DNAH11: variants seen among roughly 807,000 people sequenced by gnomAD.
The protein encoded by DNAH11 is axonemal beta dynein heavy chain 11.
DNAH11 carries 442 observed loss-of-function variants against 526.0 expected under a neutral mutation model. The ratio of observed to expected loss-of-function variants is 0.84; its 90% confidence interval spans 0.78 to 0.91. The LOEUF (loss-of-function observed/expected upper bound fraction) is 0.91, where lower values mean the gene tolerates loss of function less well. DNAH11 is among the 40% of genes least tolerant of loss of function. The pLI, the probability that DNAH11 is intolerant of heterozygous loss-of-function variation, is 0.00. For synonymous variants in DNAH11, 2,461 were observed against 1,935.9 expected (o/e 1.27, Z -7.12); for missense variants, 6,989 against 5,448.7 (o/e 1.28, Z -8.90).
intron 61 of DNAH11, 38 bp downstream of exon 61, chr7:21,789,380 G>C (rs1788335849): frequency 3.5e-6 from 5 of 1,432,096 alleles, no homozygotes; most frequent in Admixed American, 2.1e-5. Flanking sequence ...GTTCCCAAGA[G>C]GTGGTCGCTG....
At position 21,635,854 on chromosome 7, in the gene DNAH11, C is replaced by G. The variant is rs1183847088; in HGVS notation, c.4501-17C>G. 5 of 1,585,458 alleles carry G rather than the reference C, an allele frequency of 3.2e-6. No individual in the cohort carries two copies. Among genetic ancestry groups the G allele is most frequent in the Non-Finnish European group, 4.3e-6 (5 of 1,164,204 alleles). On this transcript the variant is annotated splice_polypyrimidine_tract_variant and intron_variant, in intron 25 of 81. Transcript: ENST00000409508. Reference sequence around the variant, plus strand: ...CTAAATTTAGCTACTATTTAAAATTCTTTGCCTTTATTTTAGGTTCAGTTG... The same window carrying G: ...CTAAATTTAGCTACTATTTAAAATTGTTTGCCTTTATTTTAGGTTCAGTTG...
At chr7:21,569,697 C>A (rs1246891383) in intron 6 of DNAH11, among the ~76,000 whole-genome samples, 1 of 152,164 alleles carries the variant, frequency 6.6e-6, no homozygotes, top group Non-Finnish European at 1.5e-5. Flanking sequence ...AATTCATGTT[C>A]TGATAGATTT....
intron 35 of DNAH11, among the ~76,000 whole-genome samples, chr7:21,694,378 T>A (rs940360241): frequency 6.6e-6 from 1 of 152,060 alleles, no homozygotes; most frequent in African/African-American, 2.4e-5. Context: ...GGCCCTGGTG[T>A]GTGATGTTCC....
chr7:21,695,622 C>T (rs193274030), intron 35 of DNAH11, among the ~76,000 whole-genome samples: 250 of 152,278 alleles, frequency 1.6e-3, no homozygotes, highest in African/African-American at 5.3e-3. Flanking sequence ...AACATAAAAC[C>T]TAAAACCATA....
intron 54 of DNAH11, among the ~76,000 whole-genome samples, chr7:21,762,979 G>A (rs1047349232): frequency 6.6e-6 from 1 of 152,140 alleles, no homozygotes; most frequent in African/African-American, 2.4e-5. Flanking sequence ...ATTTGATAAG[G>A]AATTAATTAA....
chr7:21,789,744 A>C (rs1272194658), intron 61 of DNAH11, among the ~76,000 whole-genome samples: 2 of 126,966 alleles, frequency 1.6e-5, no homozygotes, highest in Non-Finnish European at 3.5e-5. Context: ...AGGTATTATA[A>C]TAATAAGCAT....
At chr7:21,564,480 T>G (rs1261578931) in intron 6 of DNAH11, 83 bp downstream of exon 6, 2 of 943,576 alleles carry the variant, frequency 2.1e-6, no homozygotes, top group East Asian at 2.6e-5. Context: ...TAATCTAGTA[T>G]ACAGTAAGAA....
At chr7:21,669,038 A>G (rs553401837) in intron 30 of DNAH11, among the ~76,000 whole-genome samples, 7 of 152,284 alleles carry the variant, frequency 4.6e-5, no homozygotes, top group East Asian at 1.9e-4. Context: ...ATAGTATATC[A>G]TTGTGATTTT....
chr7:21,669,314 G>C (rs1049899582), intron 30 of DNAH11, among the ~76,000 whole-genome samples: 20 of 152,070 alleles, frequency 1.3e-4, no homozygotes, highest in African/African-American at 4.1e-4. Flanking sequence ...AAGGACTAGA[G>C]GCAAGCACCA....
chr7:21,728,404 A>AC (rs1428304794), intron 45 of DNAH11, among the ~76,000 whole-genome samples: 1 of 150,858 alleles, frequency 6.6e-6, no homozygotes, highest in Non-Finnish European at 1.5e-5. Context: ...ACTACAGGCA[A>AC]CCCACCACCA....
chr7:21,798,612 T>C (rs1006246342), intron 61 of DNAH11, among the ~76,000 whole-genome samples: 1 of 152,236 alleles, frequency 6.6e-6, no homozygotes, highest in Admixed American at 6.5e-5. Flanking sequence ...AGTGAAACTT[T>C]AGCAAATCAC....
At chr7:21,760,375 C>G (rs1000084428) in intron 54 of DNAH11, among the ~76,000 whole-genome samples, 1 of 152,106 alleles carries the variant, frequency 6.6e-6, no homozygotes, top group Non-Finnish European at 1.5e-5. Context: ...TTTGGGGACC[C>G]GACTTGCCCA....
chr7:21,892,510 T>C lies in DNAH11; in HGVS notation c.12593T>C (p.Met4198Thr), dbSNP rs772179807. 1 of 1,613,938 alleles carries C rather than the reference T, an allele frequency of 6.2e-7. No homozygotes were observed. The highest frequency in any genetic ancestry group is 1.1e-5 in the South Asian group (1 of 91,082). Residue 4198 changes from methionine (M) to threonine (T), a missense_variant, in exon 77 of 82, where the codon ATG becomes ACG. Transcript: ENST00000409508. ...GGCTACCACCAGTACATAGAGGAGA[T>C]GCTTCCTCCAGAAAGCCCGGCACTG... ...YAGYHQYIEE[M>T]LPPESPALYG... is the part of the protein sequence containing the mutation.
intron 62 of DNAH11, among the ~76,000 whole-genome samples, chr7:21,805,517 A>G (rs540502137): frequency 2.6e-5 from 4 of 152,152 alleles, no homozygotes; most frequent in South Asian, 2.1e-4. Flanking sequence ...GAGTTGAGAA[A>G]TTTCACCAGT....
chr7:21,574,867 CTTTTTTT>C (rs869117425), intron 8 of DNAH11, among the ~76,000 whole-genome samples: 24 of 42,862 alleles, frequency 5.6e-4, no homozygotes, highest in East Asian at 3.1e-3. Flanking sequence ...CTGCACTGGG[CTTTTTTT>C]TTTTTTTTTT....
chr7:21,844,924 A>G (rs1782356766), intron 66 of DNAH11, among the ~76,000 whole-genome samples: 1 of 152,216 alleles, frequency 6.6e-6, no homozygotes, highest in African/African-American at 2.4e-5. Context: ...CATTCAGTGG[A>G]ACTGCAACAT....
chr7:21,852,423 A>G lies in DNAH11; in HGVS notation c.10897-44A>G, dbSNP rs538531881. On this transcript the variant is annotated intron_variant, in intron 66 of 81. Coordinates refer to ENST00000409508, the MANE Select transcript of DNAH11 (RefSeq NM_001277115.2). ...CTTCCTCTAAAAAAAAAAAAAAAAA[A>G]GTACTTAACCACCATTTCCCACACT... The G allele has an allele frequency of 9.3e-4, 1,434 of 1,541,682 alleles. 10 individuals carry two copies. The South Asian group carries it at 0.017, about 18-fold the overall frequency.
intron 28 of DNAH11, among the ~76,000 whole-genome samples, chr7:21,650,113 T>G (rs967468317): frequency 2.6e-5 from 4 of 152,206 alleles, no homozygotes; most frequent in African/African-American, 9.7e-5. Context: ...AACCCAGCAT[T>G]TGTGTTGTGA....
intron 68 of DNAH11, among the ~76,000 whole-genome samples, chr7:21,858,754 T>G (rs1167167906): frequency 6.6e-6 from 1 of 152,192 alleles, no homozygotes; most frequent in Non-Finnish European, 1.5e-5. Flanking sequence ...ACATGAGAAC[T>G]TTTTCTGGTA....
Sources: gnomAD v4.1 joint callset for allele counts (sites outside exome capture counted in the v4.1 genomes callset) on GRCh38, gnomAD v4.1.1 for gene constraint, MANE v1.5 for transcripts, NCBI Gene and HGNC (gene_info 2026-07-23, HGNC 2026-07-21) for gene names.